The following SHROOM3 variants were observed in gnomAD, a reference collection of about 807,000 sequenced individuals.
SHROOM3 encodes the protein protein Shroom3.
In SHROOM3, 47 loss-of-function variants were observed where a neutral mutation model predicts 138.6. That is an observed-to-expected ratio of 0.34 (90% CI 0.27 to 0.43). SHROOM3 has a LOEUF of 0.43. Among genes scored for constraint, SHROOM3 ranks in the 20% least tolerant of loss-of-function variants. The probability of loss-of-function intolerance (pLI) is 1.00; values close to 1 mark genes in which losing one functional copy is unlikely to be tolerated. For synonymous variants in SHROOM3, 1,062 were observed against 1,063.3 expected (o/e 1.00, Z 0.02); for missense variants, 2,491 against 2,596.5 (o/e 0.96, Z 0.88).
At chr4:76,526,947 T>A (rs750403268) in intron 1 of SHROOM3, among the ~76,000 whole-genome samples, 2 of 152,168 alleles carry the variant, frequency 1.3e-5, no homozygotes, top group Non-Finnish European at 2.9e-5. Context: ...TCACCCAATA[T>A]CCCTGAACAA....
intron 1 of SHROOM3, among the ~76,000 whole-genome samples, chr4:76,486,820 G>A (rs922057680): frequency 6.6e-6 from 1 of 152,062 alleles, no homozygotes; most frequent in African/African-American, 2.4e-5. Context: ...AAGGTCTACT[G>A]TGTATCTTGC....
chr4:76,648,277 A>G (rs1735870315), intron 2 of SHROOM3, among the ~76,000 whole-genome samples: 2 of 152,200 alleles, frequency 1.3e-5, no homozygotes, highest in Admixed American at 6.5e-5. Flanking sequence ...GCAATGAACT[A>G]TGAGTGCACC....
chr4:76,770,420 G>C (rs1415931643), intron 9 of SHROOM3, among the ~76,000 whole-genome samples: 1 of 151,192 alleles, frequency 6.6e-6, no homozygotes, highest in African/African-American at 2.4e-5. Flanking sequence ...ATCAAGTGTT[G>C]GTGTGTGAGG....
chr4:76,623,579 C>T (rs1374651710), intron 2 of SHROOM3, among the ~76,000 whole-genome samples: 1 of 152,170 alleles, frequency 6.6e-6, no homozygotes, highest in East Asian at 1.9e-4. Context: ...TTTTTCTTAT[C>T]CAATATGCAC....
intron 1 of SHROOM3, among the ~76,000 whole-genome samples, chr4:76,515,737 G>A (rs958742684): frequency 3.9e-5 from 6 of 152,110 alleles, no homozygotes; most frequent in African/African-American, 9.7e-5. Context: ...AACTCAAGCC[G>A]AGACTTGTCT....
At chr4:76,452,519 T>C (rs1672420526) in intron 1 of SHROOM3, among the ~76,000 whole-genome samples, 1 of 152,234 alleles carries the variant, frequency 6.6e-6, no homozygotes, top group Non-Finnish European at 1.5e-5. Context: ...CTATTTTACT[T>C]AGCACAGTGT....
intron 1 of SHROOM3, among the ~76,000 whole-genome samples, chr4:76,470,733 G>C (rs1731352205): frequency 6.6e-6 from 1 of 152,186 alleles, no homozygotes; most frequent in African/African-American, 2.4e-5. Context: ...AAAATGCCAA[G>C]AAGCCTTTTG....
chr4:76,763,556 C>G (rs1037836907), intron 9 of SHROOM3, among the ~76,000 whole-genome samples: 1 of 151,804 alleles, frequency 6.6e-6, no homozygotes. Context: ...CAGAGTGAGA[C>G]CCTGTCTCAA....
At chr4:76,511,121 G>T (rs2110005075) in intron 1 of SHROOM3, among the ~76,000 whole-genome samples, 1 of 152,044 alleles carries the variant, frequency 6.6e-6, no homozygotes, top group East Asian at 1.9e-4. Context: ...GGTGGAGGTT[G>T]CAGTGAGCCA....
intron 3 of SHROOM3, among the ~76,000 whole-genome samples, chr4:76,716,633 G>A (rs768945421): frequency 8.5e-5 from 13 of 152,166 alleles, no homozygotes; most frequent in East Asian, 1.9e-4. Context: ...ATTTCTGTTC[G>A]GGAATTCTCA....
intron 1 of SHROOM3, among the ~76,000 whole-genome samples, chr4:76,499,889 T>C (rs1363184558): frequency 6.6e-6 from 1 of 152,208 alleles, no homozygotes; most frequent in East Asian, 1.9e-4. Flanking sequence ...GCATAGAATA[T>C]GTGAAGGGCA....
intron 1 of SHROOM3, among the ~76,000 whole-genome samples, chr4:76,443,883 T>C (rs1183877132): frequency 1.3e-5 from 2 of 152,162 alleles, no homozygotes; most frequent in Non-Finnish European, 2.9e-5. Flanking sequence ...TATCTATTTG[T>C]TTTCTTCTCC....
intron 2 of SHROOM3, among the ~76,000 whole-genome samples, chr4:76,634,746 T>C (rs565177587): frequency 6.6e-6 from 1 of 152,372 alleles, no homozygotes; most frequent in Non-Finnish European, 1.5e-5. Flanking sequence ...AGGGTGACTT[T>C]ATTTTTAAAC....
intron 2 of SHROOM3, among the ~76,000 whole-genome samples, chr4:76,599,603 C>T (rs1200454314): frequency 6.6e-6 from 1 of 152,196 alleles, no homozygotes; most frequent in Non-Finnish European, 1.5e-5. Context: ...TCTCCCTGTG[C>T]TCATCATGAC....
chr4:76,671,914 A>AC (rs1017251405), intron 2 of SHROOM3, among the ~76,000 whole-genome samples: 2 of 152,182 alleles, frequency 1.3e-5, no homozygotes, highest in Non-Finnish European at 2.9e-5. Flanking sequence ...TCCAAAATCC[A>AC]CAGTGCTCCA....
chr4:76,721,352 A>G (rs942774194), intron 3 of SHROOM3, among the ~76,000 whole-genome samples: 3 of 152,212 alleles, frequency 2.0e-5, no homozygotes, highest in African/African-American at 4.8e-5. Context: ...CAACATACAT[A>G]GAAAACACTA....
chr4:76,457,307 G>A (rs1731047317), intron 1 of SHROOM3, among the ~76,000 whole-genome samples: 1 of 152,002 alleles, frequency 6.6e-6, no homozygotes, highest in South Asian at 2.1e-4. Context: ...AGATCTGGTT[G>A]TTTAAAAGTG....
intron 1 of SHROOM3, among the ~76,000 whole-genome samples, chr4:76,504,465 T>C (rs900051997): frequency 2.8e-4 from 43 of 152,296 alleles, no homozygotes; most frequent in African/African-American, 7.7e-4. Context: ...GGCCGACTTA[T>C]CAGTTTTTTA....
chr4:76,452,259 G>A (rs1014686819), intron 1 of SHROOM3, among the ~76,000 whole-genome samples: 24 of 152,164 alleles, frequency 1.6e-4, no homozygotes, highest in Admixed American at 3.3e-4. Flanking sequence ...CCATTTTTAA[G>A]TATACAGTTC....
Sources: gnomAD v4.1 joint callset for allele counts (sites outside exome capture counted in the v4.1 genomes callset) on GRCh38, gnomAD v4.1.1 for gene constraint, MANE v1.5 for transcripts, NCBI Gene and HGNC (gene_info 2026-07-23, HGNC 2026-07-21) for gene names.